SPECC1: variants seen among roughly 807,000 people sequenced by gnomAD.
SPECC1 encodes the protein sperm antigen with calponin homology and coiled-coil domains 1, also known as cytospin-B.
A neutral mutation model predicts 104.1 loss-of-function variants in SPECC1; 62 were observed. That is an observed-to-expected ratio of 0.60 (90% CI 0.49 to 0.74). SPECC1 has a LOEUF of 0.74. SPECC1 is among the 30% of genes least tolerant of loss of function. The probability of loss-of-function intolerance (pLI) is 0.00; values close to 1 mark genes in which losing one functional copy is unlikely to be tolerated. For missense variants in SPECC1, 1,306 were observed against 1,310.5 expected (o/e 1.00, Z 0.05); for synonymous variants, 513 against 501.6 (o/e 1.02, Z -0.30).
intron 1 of SPECC1, among the ~76,000 whole-genome samples, chr17:20,030,836 C>CT (rs911740050): frequency 9.2e-5 from 14 of 151,782 alleles, no homozygotes; most frequent in African/African-American, 1.4e-4. Flanking sequence ...CCCCCCAGCC[C>CT]TTTTTTTTGT....
intron 7 of SPECC1, among the ~76,000 whole-genome samples, chr17:20,233,601 T>C (rs2038731400): frequency 6.6e-6 from 1 of 152,216 alleles, no homozygotes; most frequent in African/African-American, 2.4e-5. Context: ...CTCGAACTAC[T>C]GAGCCCAGGA....
chr17:20,279,762 A>G (rs2040704501), intron 12 of SPECC1, among the ~76,000 whole-genome samples: 1 of 152,252 alleles, frequency 6.6e-6, no homozygotes, highest in Non-Finnish European at 1.5e-5. Flanking sequence ...TTTAAAAACC[A>G]TGGTGACAGG....
intron 2 of SPECC1, among the ~76,000 whole-genome samples, chr17:20,098,526 G>A (rs2047762632): frequency 2.6e-5 from 4 of 152,134 alleles, no homozygotes; most frequent in Non-Finnish European, 1.5e-5. Flanking sequence ...AATGGCCAGC[G>A]ATGCCCTCAG....
At chr17:20,163,592 TCTCTGTCA>T (rs1040024164) in intron 3 of SPECC1, among the ~76,000 whole-genome samples, 1 of 151,466 alleles carries the variant, frequency 6.6e-6, no homozygotes, top group Non-Finnish European at 1.5e-5. Context: ...ACAGTTTCTG[TCTCTGTCA>T]CACAGGCTGG....
At chr17:20,222,371 CAT>C (rs369206539) in intron 4 of SPECC1, among the ~76,000 whole-genome samples, 213 of 152,240 alleles carry the variant, frequency 1.4e-3, no homozygotes, top group African/African-American at 4.9e-3. Context: ...TGTGGCCTAA[CAT>C]GTGGTCTCTC....
At chr17:20,077,390 G>C (rs911027438) in intron 1 of SPECC1, among the ~76,000 whole-genome samples, 1 of 151,902 alleles carries the variant, frequency 6.6e-6, no homozygotes, top group Admixed American at 6.6e-5. Context: ...TGGATTATTT[G>C]ATTATTTATA....
chr17:20,292,470 A>T (rs1331345512), intron 12 of SPECC1, among the ~76,000 whole-genome samples: 1 of 152,104 alleles, frequency 6.6e-6, no homozygotes, highest in Non-Finnish European at 1.5e-5. Flanking sequence ...AGCGGGGATT[A>T]CAGGTACCAG....
intron 3 of SPECC1, among the ~76,000 whole-genome samples, chr17:20,152,041 C>T (rs1020212914): frequency 6.6e-6 from 1 of 151,920 alleles, no homozygotes; most frequent in African/African-American, 2.4e-5. Flanking sequence ...TGGCTCATGC[C>T]TGTAATCCCA....
intron 1 of SPECC1, among the ~76,000 whole-genome samples, chr17:20,076,772 C>T (rs1200272373): frequency 6.6e-6 from 1 of 152,122 alleles, no homozygotes; most frequent in Non-Finnish European, 1.5e-5. Flanking sequence ...TACTTTATAT[C>T]AACACAGTGT....
At chr17:20,017,589 C>T (rs1169349188) in intron 1 of SPECC1, 1 of 152,368 alleles carries the variant, frequency 6.6e-6, no homozygotes, top group Non-Finnish European at 1.5e-5. Context: ...TGTCCTCTTA[C>T]TTCTCTCGCC....
chr17:20,311,104 T>A (rs1188389678), intron 14 of SPECC1, among the ~76,000 whole-genome samples: 1 of 75,390 alleles, frequency 1.3e-5, no homozygotes, highest in African/African-American at 7.9e-5. Context: ...TAGTGGGGTT[T>A]TTTTTTTTTT....
intron 3 of SPECC1, among the ~76,000 whole-genome samples, chr17:20,124,030 G>A (rs1193888326): frequency 6.6e-6 from 1 of 152,176 alleles, no homozygotes; most frequent in African/African-American, 2.4e-5. Flanking sequence ...TGAGAGTGGA[G>A]GAAGGGGATG....
intron 3 of SPECC1, chr17:20,113,079 A>G (rs760982844): frequency 3.2e-5 from 23 of 708,514 alleles, no homozygotes; most frequent in Non-Finnish European, 5.6e-5. Flanking sequence ...TCTAGAAGAA[A>G]TAACACTGTA....
chr17:20,072,551 G>A (rs1361424299), intron 1 of SPECC1, among the ~76,000 whole-genome samples: 1 of 152,232 alleles, frequency 6.6e-6, no homozygotes, highest in Non-Finnish European at 1.5e-5. Context: ...GCCATGAGAG[G>A]CAGCAGCCTT....
At chr17:20,208,595 T>C (rs2036934658) in intron 4 of SPECC1, among the ~76,000 whole-genome samples, 2 of 152,224 alleles carry the variant, frequency 1.3e-5, no homozygotes, top group Non-Finnish European at 2.9e-5. Context: ...TGGGTCCTCT[T>C]GACTTACCCA....
chr17:20,012,787 T>G (rs2043987243), intron 1 of SPECC1, among the ~76,000 whole-genome samples: 1 of 152,190 alleles, frequency 6.6e-6, no homozygotes, highest in African/African-American at 2.4e-5. Context: ...GTGTTAAGTG[T>G]GTGCACATTG....
chr17:20,159,031 C>T (rs12941940), intron 3 of SPECC1, among the ~76,000 whole-genome samples: 5 of 151,410 alleles, frequency 3.3e-5, no homozygotes, highest in African/African-American at 1.2e-4. Context: ...GATCTTGGCT[C>T]ACTGCAACCT....
chr17:20,063,447 T>C (rs1269292072), intron 1 of SPECC1, among the ~76,000 whole-genome samples: 2 of 152,252 alleles, frequency 1.3e-5, no homozygotes, highest in Non-Finnish European at 2.9e-5. Flanking sequence ...CCAGAGGTTC[T>C]ATCTTGTTAG....
At chr17:20,126,183 A>G (rs1286152335) in intron 3 of SPECC1, among the ~76,000 whole-genome samples, 1 of 151,040 alleles carries the variant, frequency 6.6e-6, no homozygotes, top group Non-Finnish European at 1.5e-5. Context: ...GAAGTTTGCT[A>G]TTTCCTTTCT....
Sources: allele counts gnomAD v4.1 joint callset (sites outside exome capture counted in the v4.1 genomes callset), GRCh38; gene constraint gnomAD v4.1.1; transcripts MANE v1.5; gene names NCBI Gene and HGNC (gene_info 2026-07-23, HGNC 2026-07-21).